The following PRKX variants were observed in gnomAD, a reference collection of about 807,000 sequenced individuals.
PRKX encodes cAMP-dependent protein kinase catalytic subunit PRKX.
Under a neutral mutation model 22.0 loss-of-function variants are expected in PRKX, and 12 were observed. The ratio of observed to expected loss-of-function variants is 0.54; its 90% CI spans 0.35 to 0.88. The LOEUF (loss-of-function observed/expected upper bound fraction) is 0.88. Ranked by LOEUF, PRKX falls within the 40% of genes least tolerant of loss-of-function variation. The pLI, the probability that PRKX is intolerant of heterozygous loss-of-function variation, is 0.01. For synonymous variants in PRKX, 134 were observed against 137.7 expected (o/e 0.97, Z 0.19); for missense variants, 217 against 308.0 (o/e 0.70, Z 2.21).
intron 2 of PRKX, among the ~76,000 whole-genome samples, chrX:3,665,132 G>T (rs1432760847): frequency 8.9e-6 from 1 of 111,774 alleles, no homozygotes; most frequent in African/African-American, 3.3e-5. Flanking sequence ...GCGTGCATGT[G>T]TGTGTGCACG....
chrX:3,610,356 C>A (rs1926268586), intron 8 of PRKX, among the ~76,000 whole-genome samples: 1 of 110,747 alleles, frequency 9.0e-6, no homozygotes, highest in African/African-American at 3.3e-5. Flanking sequence ...GTGGCAGGCA[C>A]CTGTAATCCC....
At chrX:3,674,457 A>G (rs1353193557) in intron 2 of PRKX, 141 bp downstream of exon 2, 1 of 575,410 alleles carries the variant, frequency 1.7e-6, no homozygotes, top group Non-Finnish European at 2.7e-6. Flanking sequence ...TCAGAGGCTG[A>G]TAAGACCTGA....
In PRKX at chrX:3,683,498, G is replaced by A. The variant is rs761905554; in HGVS notation, c.167-8732C>T. Among the ~76,000 whole-genome samples the A allele has an allele frequency of 5.4e-5, 6 of 110,902 alleles. No homozygotes were observed. In the South Asian group the frequency reaches 1.6e-3, roughly 29 times the overall value. ...ACGCAGAGCCGCCCCAAACATGGGA[G>A]AAGACAGAAGTCTTCAAAGGAGCCG... On this transcript the variant is annotated intron_variant, in intron 1 of 8. Transcript: ENST00000262848.
intron 4 of PRKX, among the ~76,000 whole-genome samples, chrX:3,640,165 A>G (rs771517276): frequency 2.7e-5 from 3 of 109,298 alleles, no homozygotes; most frequent in Admixed American, 9.9e-5. Flanking sequence ...TTTGAGACTC[A>G]GGGGCAAGCA....
intron 1 of PRKX, among the ~76,000 whole-genome samples, chrX:3,696,861 A>G (rs192718760): frequency 8.9e-6 from 1 of 111,739 alleles, no homozygotes; most frequent in African/African-American, 3.3e-5. Context: ...CCCTACTAAA[A>G]AAACAAAAAA....
At chrX:3,639,000 A>T (rs756128608) in intron 4 of PRKX, among the ~76,000 whole-genome samples, 8 of 94,836 alleles carry the variant, frequency 8.4e-5, no homozygotes, top group African/African-American at 3.2e-4. Context: ...ATGGATATAT[A>T]AATATATAAA....
intron 4 of PRKX, among the ~76,000 whole-genome samples, chrX:3,639,617 G>C (rs1360632111): frequency 6.5e-5 from 7 of 107,566 alleles, no homozygotes; most frequent in African/African-American, 2.4e-4. Flanking sequence ...TAGATAAATA[G>C]ACAGGTGGGT....
At chrX:3,629,094 C>T (rs1569043228) in intron 4 of PRKX, among the ~76,000 whole-genome samples, 2 of 112,055 alleles carry the variant, frequency 1.8e-5, no homozygotes, top group African/African-American at 3.2e-5. Context: ...GTGGTGAATA[C>T]GCCACTATGG....
intron 1 of PRKX, among the ~76,000 whole-genome samples, chrX:3,707,345 T>C (rs922106350): frequency 9.0e-6 from 1 of 111,625 alleles, no homozygotes; most frequent in African/African-American, 3.3e-5. Flanking sequence ...CAGCTAGCAC[T>C]GAAGGTTTCC....
rs372038907 is a variant in PRKX, at chrX:3,630,326, A to G, written c.720-3812T>C. On this transcript the variant is annotated intron_variant, in intron 4 of 8. Coordinates refer to ENST00000262848, the MANE Select transcript of PRKX (RefSeq NM_005044.5). The stretch of plus-strand genomic sequence containing the variant: ...TGTAATCCCAACACTTTGGGAGGCC[A>G]AGGTGGGCGGATCACGAGGTCAAGG... Among the ~76,000 whole-genome samples, 498 of 101,038 alleles carry G rather than the reference A, an allele frequency of 4.9e-3. 2 individuals are homozygous for G. Among genetic ancestry groups the G allele is most frequent in the African/African-American group, 8.2e-3 (243 of 29,733 alleles). The allele number at this position is 101,038 out of a possible 115,157, so 87.7% of individuals were successfully genotyped here. A position where few individuals can be genotyped will look rare whatever the true frequency, so the allele number is the denominator to read the frequency against.
intron 1 of PRKX, among the ~76,000 whole-genome samples, chrX:3,691,968 ATGGGTAGG>A (rs1283291138): frequency 4.6e-5 from 5 of 109,257 alleles, no homozygotes; most frequent in Non-Finnish European, 9.5e-5. Flanking sequence ...GGATGGATGG[ATGGGTAGG>A]TGGGTAGGTA....
chrX:3,711,138 G>C (rs1395755711), intron 1 of PRKX, among the ~76,000 whole-genome samples: 1 of 111,305 alleles, frequency 9.0e-6, no homozygotes, highest in Non-Finnish European at 1.9e-5. Context: ...TGTCATGAGA[G>C]AGTGTTCCAG....
intron 2 of PRKX, among the ~76,000 whole-genome samples, chrX:3,666,415 C>G (rs1373478597): frequency 9.0e-6 from 1 of 110,531 alleles, no homozygotes; most frequent in Admixed American, 9.7e-5. Flanking sequence ...CTCGGCCTCC[C>G]AAAGTGCTGG....
intron 1 of PRKX, among the ~76,000 whole-genome samples, chrX:3,712,740 A>T (rs1459084075): frequency 8.9e-6 from 1 of 112,598 alleles, no homozygotes; most frequent in East Asian, 2.8e-4. Flanking sequence ...AGGGAGCACG[A>T]GGTCCCCCAG....
chrX:3,620,505 G>A (rs1926531503), intron 6 of PRKX, among the ~76,000 whole-genome samples: 1 of 112,328 alleles, frequency 8.9e-6, no homozygotes, highest in South Asian at 3.7e-4. Flanking sequence ...CACACCAGGA[G>A]GTGAGCAGCA....
At chrX:3,710,033 C>T (rs781160316) in intron 1 of PRKX, among the ~76,000 whole-genome samples, 6 of 109,766 alleles carry the variant, frequency 5.5e-5, no homozygotes, top group African/African-American at 1.7e-4. Flanking sequence ...AGTCATCCTC[C>T]CACCGCGACC....
rs763237382 is a variant in PRKX at position 3,652,213 on chromosome X, T to C, written c.599+2936A>G. Among the ~76,000 whole-genome samples the C allele has an allele frequency of 6.3e-5, 7 of 110,384 alleles. No individual in the cohort carries two copies. The South Asian group carries it at 1.9e-3, about 31-fold the overall frequency. On this transcript the variant is annotated intron_variant, in intron 3 of 8. Coordinates refer to ENST00000262848, the MANE Select transcript of PRKX (RefSeq NM_005044.5). Reference sequence around the variant, plus strand: ...GTGGGCGCATCACAAGGTCAGGAGATTGAGACCATCCTGGCTAACACAGTG... The same window carrying C: ...GTGGGCGCATCACAAGGTCAGGAGACTGAGACCATCCTGGCTAACACAGTG...
At chrX:3,651,435 G>T (rs1291026705) in intron 3 of PRKX, among the ~76,000 whole-genome samples, 2 of 111,672 alleles carry the variant, frequency 1.8e-5, no homozygotes, top group East Asian at 5.6e-4. Flanking sequence ...CTAATATACC[G>T]TGTGCTGCCA....
At chrX:3,692,709 A>G (rs2146606200) in intron 1 of PRKX, among the ~76,000 whole-genome samples, 1 of 110,419 alleles carries the variant, frequency 9.1e-6, no homozygotes, top group East Asian at 2.9e-4. Flanking sequence ...TTGTATTTCT[A>G]GTAGAGACAG....
Sources: allele counts gnomAD v4.1 joint callset (sites outside exome capture counted in the v4.1 genomes callset), GRCh38; gene constraint gnomAD v4.1.1; transcripts MANE v1.5; gene names NCBI Gene and HGNC (gene_info 2026-07-23, HGNC 2026-07-21).